SLC20A2: variants seen among roughly 807,000 people sequenced by gnomAD.
The protein encoded by SLC20A2 is solute carrier family 20 member 2.
SLC20A2 carries 30 observed loss-of-function variants against 61.0 expected under a neutral mutation model. The ratio of observed to expected loss-of-function variants is 0.49; its 90% CI spans 0.37 to 0.67. The LOEUF (loss-of-function observed/expected upper bound fraction) is 0.67, where lower values mean the gene tolerates loss of function less well. SLC20A2 is among the 30% of genes least tolerant of loss of function. The pLI is 0.00. For missense variants in SLC20A2, 626 were observed against 866.4 expected (o/e 0.72, Z 3.48); for synonymous variants, 351 against 353.3 (o/e 0.99, Z 0.07).
At chr8:42,512,496 G>A (rs538502845) in intron 1 of SLC20A2, among the ~76,000 whole-genome samples, 13 of 151,926 alleles carry the variant, frequency 8.6e-5, no homozygotes, top group South Asian at 2.1e-4. Flanking sequence ...GACTACAGGC[G>A]TGCGCTATCA....
chr8:42,431,170 C>T (rs1563446029), intron 8 of SLC20A2, among the ~76,000 whole-genome samples: 1 of 152,184 alleles, frequency 6.6e-6, no homozygotes, highest in African/African-American at 2.4e-5. Flanking sequence ...GCCTCTTGGG[C>T]CAAACAGTTA....
chr8:42,428,860 G>C lies in SLC20A2; in HGVS notation c.1710-18C>G. The C allele has an allele frequency of 6.4e-7, 1 of 1,567,736 alleles. No homozygotes were observed. Among genetic ancestry groups the C allele is most frequent in the South Asian group, 1.2e-5 (1 of 83,370 alleles). ...TGAAGCCGCTGTGGGGGGAGCATGA[G>C]ACACGTCACAGGTGCCCTCTGTATC... On this transcript the variant is annotated intron_variant, in intron 9 of 10. Coordinates refer to ENST00000520262, the MANE Select transcript of SLC20A2 (RefSeq NM_001257180.2).
intron 1 of SLC20A2, among the ~76,000 whole-genome samples, chr8:42,510,494 C>G (rs562490870): frequency 8.5e-5 from 13 of 152,254 alleles, no homozygotes; most frequent in Non-Finnish European, 5.9e-5. Context: ...GCTAATTGCC[C>G]AAATCTTTTG....
intron 1 of SLC20A2, among the ~76,000 whole-genome samples, chr8:42,524,692 A>C (rs1317836276): frequency 1.3e-5 from 2 of 152,256 alleles, no homozygotes; most frequent in East Asian, 3.9e-4. Context: ...AGGCTGAGGC[A>C]GGAGAATCGC....
intron 5 of SLC20A2, among the ~76,000 whole-genome samples, chr8:42,451,477 G>A (rs1258923828): frequency 6.6e-6 from 1 of 150,966 alleles, no homozygotes; most frequent in Non-Finnish European, 1.5e-5. Context: ...AGATAAAGAG[G>A]AGGAGGAAGA....
intron 8 of SLC20A2, among the ~76,000 whole-genome samples, chr8:42,432,539 C>T (rs1803945272): frequency 6.6e-6 from 1 of 152,174 alleles, no homozygotes; most frequent in Non-Finnish European, 1.5e-5. Flanking sequence ...GGATTGACTC[C>T]AATTTTGAAA....
At chr8:42,523,271 G>A (rs942537005) in intron 1 of SLC20A2, among the ~76,000 whole-genome samples, 2 of 151,846 alleles carry the variant, frequency 1.3e-5, no homozygotes, top group African/African-American at 4.8e-5. Flanking sequence ...TGGAGGATGC[G>A]GTGAGCCGAG....
chr8:42,495,235 C>T (rs1022615653), intron 1 of SLC20A2, among the ~76,000 whole-genome samples: 3 of 152,018 alleles, frequency 2.0e-5, no homozygotes, highest in African/African-American at 7.2e-5. Context: ...GGAAGAAATA[C>T]CAAGAAAAGA....
intron 1 of SLC20A2, among the ~76,000 whole-genome samples, chr8:42,493,373 C>G (rs1025043418): frequency 5.1e-4 from 78 of 152,114 alleles, no homozygotes; most frequent in African/African-American, 1.8e-3. Flanking sequence ...TGAGATACAC[C>G]GTGATACTAC....
Position 42,531,728 on chromosome 8 carries a change from G to T in SLC20A2, c.-265+10093C>A, listed in dbSNP as rs1812332678. Among the ~76,000 whole-genome samples, 4 of 151,780 alleles carry T rather than the reference G, an allele frequency of 2.6e-5. No homozygotes were observed. In the South Asian group the frequency reaches 8.3e-4, roughly 31 times the overall value. ...TTAATGGCATTCTGACACTATTACA[G>T]TATAATTACAAAATGACACAGGTTA... On this transcript the variant is annotated intron_variant, in intron 1 of 10. Coordinates refer to the SLC20A2 transcript ENST00000342228.
chr8:42,506,377 G>A (rs1810710347), intron 1 of SLC20A2, among the ~76,000 whole-genome samples: 2 of 152,192 alleles, frequency 1.3e-5, no homozygotes, highest in South Asian at 4.1e-4. Flanking sequence ...TGTAAAATGG[G>A]GATAATGTTG....
intron 1 of SLC20A2, among the ~76,000 whole-genome samples, chr8:42,531,140 G>C (rs537005544): frequency 3.3e-4 from 50 of 152,316 alleles, no homozygotes; most frequent in South Asian, 6.2e-4. Flanking sequence ...TGAGCCTCCA[G>C]AGAGAAAGGA....
At chr8:42,479,825 GA>G (rs974440945) in intron 1 of SLC20A2, among the ~76,000 whole-genome samples, 1 of 150,434 alleles carries the variant, frequency 6.6e-6, no homozygotes, top group Non-Finnish European at 1.5e-5. Flanking sequence ...ACCTTGTCTG[GA>G]AAAAAAAAGA....
chr8:42,532,287 T>C (rs1288126692), intron 1 of SLC20A2, among the ~76,000 whole-genome samples: 1 of 152,224 alleles, frequency 6.6e-6, no homozygotes, highest in Non-Finnish European at 1.5e-5. Context: ...TGCTTTCAGA[T>C]CTCAGTCCAA....
chr8:42,441,144 T>C (rs1586038094), intron 6 of SLC20A2, among the ~76,000 whole-genome samples: 1 of 140,398 alleles, frequency 7.1e-6, no homozygotes, highest in South Asian at 2.1e-4. Context: ...ATTTTGCTCT[T>C]TTTTTTTTTT....
chr8:42,511,626 CAA>C (rs375885875), intron 1 of SLC20A2, among the ~76,000 whole-genome samples: 3 of 123,590 alleles, frequency 2.4e-5, no homozygotes, highest in Non-Finnish European at 3.4e-5. Flanking sequence ...GACTCCATCT[CAA>C]AAAAAAAAAA....
intron 1 of SLC20A2, among the ~76,000 whole-genome samples, chr8:42,535,555 T>C (rs906956265): frequency 2.6e-5 from 4 of 152,168 alleles, no homozygotes; most frequent in African/African-American, 9.7e-5. Flanking sequence ...TTGAAAAGCA[T>C]GGTTTACACT....
intron 1 of SLC20A2, among the ~76,000 whole-genome samples, chr8:42,482,913 G>A (rs1332310993): frequency 6.6e-6 from 1 of 151,880 alleles, no homozygotes; most frequent in Non-Finnish European, 1.5e-5. Flanking sequence ...AGGTGTAGGG[G>A]CAGGTCCCTG....
rs551984318 is a variant in SLC20A2, at chr8:42,449,194, G to A, written c.614-4432C>T. ...AGACATGGCCGTCATTTCCCCCTGCGGATGGACATACTGGGGCACAGCCTC... is the reference window on the plus strand; with the variant it reads ...AGACATGGCCGTCATTTCCCCCTGCAGATGGACATACTGGGGCACAGCCTC... On this transcript the variant is annotated intron_variant, in intron 5 of 10. Transcript: ENST00000520262. 9.9e-5 allele frequency among the ~76,000 whole-genome samples: 15 copies of A among 152,176 alleles called. No individual in the cohort carries two copies. In the South Asian group the frequency reaches 1.9e-3, roughly 19 times the overall value.
Sources: allele counts gnomAD v4.1 joint callset (sites outside exome capture counted in the v4.1 genomes callset), GRCh38; gene constraint gnomAD v4.1.1; transcripts MANE v1.5; gene names NCBI Gene and HGNC (gene_info 2026-07-23, HGNC 2026-07-21).